PIGF: variants seen among roughly 807,000 people sequenced by gnomAD.
The protein encoded by PIGF is phosphatidylinositol glycan anchor biosynthesis class F, also known as GPI ethanolamine phosphate transferase, stabilizing subunit.
Under a neutral mutation model 26.0 loss-of-function variants are expected in PIGF, and 23 were observed. The observed-to-expected ratio is 0.88, with a 90% confidence interval of 0.64 to 1.25. PIGF has a LOEUF of 1.25. PIGF is among the 50% of genes most tolerant of loss of function. The pLI, the probability that PIGF is intolerant of heterozygous loss-of-function variation, is 0.00. For synonymous variants in PIGF, 93 were observed against 92.6 expected (o/e 1.00, Z -0.03); for missense variants, 278 against 249.9 (o/e 1.11, Z -0.76).
chr2:46,595,008 G>A (rs1669839293), intron 4 of PIGF, among the ~76,000 whole-genome samples: 1 of 149,436 alleles, frequency 6.7e-6, no homozygotes, highest in Non-Finnish European at 1.5e-5. Flanking sequence ...CTAATTTTTT[G>A]TATTTTTTTT....
intron 4 of PIGF, among the ~76,000 whole-genome samples, chr2:46,597,574 A>G (rs936011500): frequency 6.6e-6 from 1 of 151,980 alleles, no homozygotes. Flanking sequence ...CACCATGCCC[A>G]GCTATTTTTG....
At chr2:46,593,773 C>T (rs1669796129) in intron 4 of PIGF, among the ~76,000 whole-genome samples, 2 of 152,298 alleles carry the variant, frequency 1.3e-5, no homozygotes, top group East Asian at 1.9e-4. Flanking sequence ...AAAGTAGCCT[C>T]TTCTAGATAG....
At position 46,581,061 on chromosome 2, in the gene PIGF, T is replaced by C; in HGVS notation, c.*417A>G. 2 of 1,554,274 alleles carry C rather than the reference T, an allele frequency of 1.3e-6. No individual in the cohort carries two copies. Among genetic ancestry groups the C allele is most frequent in the Non-Finnish European group, 1.7e-6 (2 of 1,157,954 alleles). On this transcript the variant is annotated 3_prime_UTR_variant, in exon 6 of 6. Coordinates refer to ENST00000281382, the MANE Select transcript of PIGF (RefSeq NM_002643.4). ...AAAAAAAGAATAGGATCAAGATGTA[T>C]AAACTGTTGTTTAATTACGTGAGAA...
At chr2:46,586,609 A>G (rs1035575207) in intron 5 of PIGF, among the ~76,000 whole-genome samples, 12 of 152,184 alleles carry the variant, frequency 7.9e-5, no homozygotes, top group Admixed American at 4.6e-4. Context: ...CCAGTTCTCA[A>G]TCTCTCATGA....
chr2:46,596,294 T>C (rs368197118), intron 4 of PIGF, among the ~76,000 whole-genome samples: 3 of 151,986 alleles, frequency 2.0e-5, no homozygotes, highest in East Asian at 1.9e-4. Context: ...GCAAAATCCA[T>C]GCCTTCACAT....
chr2:46,616,126 G>A (rs1040782328), intron 1 of PIGF: 8 of 152,228 alleles, frequency 5.3e-5, no homozygotes, highest in South Asian at 2.1e-4. Context: ...TATCCTAATA[G>A]CTCTCATTTA....
At chr2:46,601,617 A>T (rs1670056935) in intron 4 of PIGF, among the ~76,000 whole-genome samples, 1 of 152,122 alleles carries the variant, frequency 6.6e-6, no homozygotes, top group Admixed American at 6.6e-5. Context: ...TCCCCACTGA[A>T]TATTAAAACA....
chr2:46,582,813 A>T (rs1237639953), intron 5 of PIGF: 2 of 152,576 alleles, frequency 1.3e-5, no homozygotes, highest in East Asian at 3.9e-4. Flanking sequence ...AGAGATTTTT[A>T]AAAATATAAG....
intron 4 of PIGF, among the ~76,000 whole-genome samples, chr2:46,597,877 T>C (rs1669938437): frequency 1.3e-5 from 2 of 152,234 alleles, no homozygotes; most frequent in Middle Eastern, 3.2e-3. Flanking sequence ...TTCACAAAAA[T>C]GTTTTTTAAA....
chr2:46,591,351 G>T (rs947538918), intron 5 of PIGF: 2 of 172,698 alleles, frequency 1.2e-5, no homozygotes, highest in African/African-American at 4.8e-5. Context: ...GCAAATGGAG[G>T]TTTCCTCTGG....
At chr2:46,597,495 G>A (rs546662093) in intron 4 of PIGF, among the ~76,000 whole-genome samples, 4 of 151,660 alleles carry the variant, frequency 2.6e-5, no homozygotes, top group East Asian at 1.9e-4. Flanking sequence ...TTACTGCAAC[G>A]TCTGCCTCCT....
In PIGF at chr2:46,588,151, TA is replaced by T; in HGVS notation, c.546+4323del. 1 of 1,613,240 alleles carries T rather than the reference TA, an allele frequency of 6.2e-7. No individual in the cohort carries two copies. Among genetic ancestry groups the T allele is most frequent in the Non-Finnish European group, 8.5e-7 (1 of 1,179,554 alleles). On this transcript the variant is annotated intron_variant, in intron 5 of 5. Transcript: ENST00000281382. The surrounding 1 kb of genome is among the most constrained non-coding windows in gnomAD (Gnocchi z 4.1). ...CCTGCAGGGTACATGGAGAGATCTA[TA>T]AGTGCTACGTTTTCTTTCTACTGTC...
At position 46,587,643 on chromosome 2, in the gene PIGF, T is replaced by C. The variant is rs1251961092; in HGVS notation, c.546+4832A>G. On this transcript the variant is annotated intron_variant, in intron 5 of 5. Transcript: ENST00000281382. ...TTACCTTCGTAAGAAATAAGCATCC[T>C]AGCCGAGACTTGATTATTTGGTTCA... Among the ~76,000 whole-genome samples the C allele has an allele frequency of 2.6e-5, 4 of 152,346 alleles. No individual in the cohort carries two copies. The East Asian group carries it at 5.8e-4, about 22-fold the overall frequency.
chr2:46,605,899 T>A (rs1369657904), intron 4 of PIGF, among the ~76,000 whole-genome samples: 2 of 152,176 alleles, frequency 1.3e-5, no homozygotes, highest in African/African-American at 4.8e-5. Flanking sequence ...TATTAAAATA[T>A]TTTTGCATTG....
intron 5 of PIGF, chr2:46,591,843 T>C: frequency 7.7e-7 from 1 of 1,302,634 alleles, no homozygotes; most frequent in Non-Finnish European, 1.0e-6. Flanking sequence ...TATCTTATTG[T>C]GATACAAGAC....
At chr2:46,591,253 C>G (rs142981344) in intron 5 of PIGF, among the ~76,000 whole-genome samples, 1 of 152,062 alleles carries the variant, frequency 6.6e-6, no homozygotes, top group African/African-American at 2.4e-5. Flanking sequence ...CCATAATATA[C>G]TGCTGAGGGG....
At chr2:46,590,679 T>C (rs558932901) in intron 5 of PIGF, among the ~76,000 whole-genome samples, 73 of 152,348 alleles carry the variant, frequency 4.8e-4, no homozygotes, top group Admixed American at 7.8e-4. Flanking sequence ...TGATTTTGAT[T>C]GTCCTCCAAT....
chr2:46,594,062 T>C, intron 4 of PIGF, among the ~76,000 whole-genome samples: 1 of 152,238 alleles, frequency 6.6e-6, no homozygotes, highest in East Asian at 1.9e-4. Flanking sequence ...TTTTATTTCA[T>C]GTAACACCTA....
intron 3 of PIGF, among the ~76,000 whole-genome samples, chr2:46,613,165 A>G (rs1487941611): frequency 6.6e-6 from 1 of 152,030 alleles, no homozygotes; most frequent in African/African-American, 2.4e-5. Flanking sequence ...AAGCTTCTCA[A>G]ACTATGATAA....
Sources: allele counts gnomAD v4.1 joint callset (sites outside exome capture counted in the v4.1 genomes callset), GRCh38; gene constraint gnomAD v4.1.1; non-coding constraint Gnocchi (gnomAD v3.1); transcripts MANE v1.5; gene names NCBI Gene and HGNC (gene_info 2026-07-23, HGNC 2026-07-21).